The following SLFNL1 variants were observed in gnomAD, a reference collection of about 807,000 sequenced individuals.
SLFNL1 encodes the protein schlafen-like protein 1.
SLFNL1 carries 26 observed loss-of-function variants against 32.5 expected under a neutral mutation model. The ratio of observed to expected loss-of-function variants is 0.80; its 90% CI spans 0.59 to 1.11. The LOEUF (loss-of-function observed/expected upper bound fraction) is 1.11. SLFNL1 is among the 50% of genes least tolerant of loss of function. The pLI, the probability that SLFNL1 is intolerant of heterozygous loss-of-function variation, is 0.00. For missense variants in SLFNL1, 553 were observed against 546.5 expected (o/e 1.01, Z -0.12); for synonymous variants, 255 against 242.2 (o/e 1.05, Z -0.49).
At chr1:41,018,984 G>C (rs12754704) in intron 3 of SLFNL1, among the ~76,000 whole-genome samples, 53,325 of 151,276 alleles carry the variant, frequency 0.35, 10,862 homozygotes, top group Admixed American at 0.5. Flanking sequence ...GGATTACAGG[G>C]GCCCGCCACC....
Position 41,018,091 on chromosome 1 carries a change from CG to C in SLFNL1, c.500del (p.Pro167ArgfsTer96). ...GCGTGTGTGTAGGCCAGGTGGGCAGCGGGACACCAGAGCCTGGACTGGGGCC... is the reference window on the plus strand; with the variant it reads ...GCGTGTGTGTAGGCCAGGTGGGCAGCGGACACCAGAGCCTGGACTGGGGCC... Reference protein sequence around the residue: ...SPGPSPGSGVPLPTWPTHTLP... With the variant: ...SPGPSPGSGVXLPTWPTHTLP... On this transcript the variant is annotated frameshift_variant, in exon 4 of 6. Transcript: ENST00000302946. LOFTEE classifies it high-confidence loss of function. 6 of 1,553,682 alleles carry C rather than the reference CG, an allele frequency of 3.9e-6. No homozygotes were observed. The highest frequency in any genetic ancestry group is 4.4e-6 in the Non-Finnish European group (5 of 1,144,834).
rs751622686 is a variant in SLFNL1 at position 41,018,133 on chromosome 1, G to GTCCTCC, written c.453_458dup (p.Glu151_Glu152dup). 2.7e-6 allele frequency: 4 copies of GTCCTCC among 1,501,262 alleles called. No individual in the cohort carries two copies. Among genetic ancestry groups the GTCCTCC allele is most frequent in the East Asian group, 2.5e-5 (1 of 40,342 alleles). 93.0% of individuals were successfully genotyped at this position (1,501,262 alleles called of 1,614,324 possible). ...GACTGGGGCCAGGGCTCAGGCCACT[G>GTCCTCC]TCCTCCTCCTCCTCCTCCTTCTCCT... is the stretch of plus-strand genomic sequence containing the variant. On this transcript the variant is annotated inframe_insertion, in exon 4 of 6. Coordinates refer to ENST00000302946, the MANE Select transcript of SLFNL1 (RefSeq NM_144990.4).
intron 3 of SLFNL1, 113 bp from the exon 4 acceptor site, chr1:41,018,269 C>A: frequency 9.6e-6 from 11 of 1,146,324 alleles, no homozygotes; most frequent in Non-Finnish European, 1.3e-5. Context: ...CTGACTCTTA[C>A]GGACATCCTG....
Position 41,017,448 on chromosome 1 carries a change from C to T in SLFNL1, c.958-71G>A. On this transcript the variant is annotated intron_variant, in intron 4 of 5. Coordinates refer to ENST00000302946, the MANE Select transcript of SLFNL1 (RefSeq NM_144990.4). This position sits in a 1 kb window ranked among gnomAD's most constrained non-coding sequence, Gnocchi z 4.9. ...CGGCAGCCCCCATCCTGCCAGGCTG[C>T]TCAGCATTGCTCACTGATTCCTTAG... The T allele has an allele frequency of 6.4e-7, 1 of 1,554,838 alleles. No homozygotes were observed. Among genetic ancestry groups the T allele is most frequent in the Non-Finnish European group, 8.7e-7 (1 of 1,151,850 alleles).
chr1:41,018,742 G>A (rs1450791347), intron 3 of SLFNL1, among the ~76,000 whole-genome samples: 1 of 151,892 alleles, frequency 6.6e-6, no homozygotes, highest in African/African-American at 2.4e-5. Flanking sequence ...GAGCCTCCTC[G>A]GGGCCACTTC....
Position 41,017,452 on chromosome 1 carries a change from G to A in SLFNL1, c.958-75C>T. ...AGCCCCCATCCTGCCAGGCTGCTCA[G>A]CATTGCTCACTGATTCCTTAGGGCA... On this transcript the variant is annotated intron_variant, in intron 4 of 5. Transcript: ENST00000302946. This position sits in a 1 kb window ranked among gnomAD's most constrained non-coding sequence, Gnocchi z 4.9. The A allele has an allele frequency of 6.4e-7, 1 of 1,555,832 alleles. No individual in the cohort carries two copies. The highest frequency in any genetic ancestry group is 1.2e-5 in the South Asian group (1 of 83,316).
chr1:41,016,252 G>A (rs377225061), intron 5 of SLFNL1, 24 bp from the exon 6 acceptor site: 6 of 1,613,176 alleles, frequency 3.7e-6, no homozygotes, highest in Non-Finnish European at 5.1e-6. Context: ...GGAAAAGCAT[G>A]TGGCCAAGCC....
In SLFNL1 at chr1:41,020,786, GTACACAGA is replaced by G. The variant is rs1429237498; in HGVS notation, c.-118-16_-118-9del. On this transcript the variant is annotated splice_polypyrimidine_tract_variant and intron_variant, in intron 2 of 5. Transcript: ENST00000302946. ...CAGGGAGTGTCCCGGCTCCTGGGAG[GTACACAGA>G]TTGGCAGAGACTGGGCAGGGCCAGA... is the stretch of plus-strand genomic sequence containing the variant. 2.3e-6 allele frequency: 2 copies of G among 855,396 alleles called. No individual in the cohort carries two copies. Among genetic ancestry groups the G allele is most frequent in the Admixed American group, 5.4e-5 (2 of 37,142 alleles). 53.0% of individuals were successfully genotyped at this position (855,396 alleles called of 1,614,324 possible). A position where few individuals can be genotyped will look rare whatever the true frequency, so the allele number is the denominator to read the frequency against.
chr1:41,021,461 C>T (rs554387649), intron 1 of SLFNL1, 162 bp downstream of exon 1: 1 of 152,490 alleles, frequency 6.6e-6, no homozygotes, highest in Non-Finnish European at 1.5e-5. Flanking sequence ...CGCCCCAAGT[C>T]CAGGGAGCCT....
intron 5 of SLFNL1, chr1:41,016,431 A>AG: frequency 4.2e-6 from 3 of 706,016 alleles, no homozygotes; most frequent in Non-Finnish European, 6.9e-6. Context: ...CAGCCATGGA[A>AG]GGGAGCCTCC....
At chr1:41,020,198 G>C (rs759684216) in intron 3 of SLFNL1, 28 bp downstream of exon 3, 1 of 1,556,380 alleles carries the variant, frequency 6.4e-7, no homozygotes, top group African/African-American at 1.4e-5. Context: ...TGAGGCTTTG[G>C]AGCTTGCTTG....
At position 41,017,634 on chromosome 1, in the gene SLFNL1, C is replaced by T. The variant is rs370243333; in HGVS notation, c.957+1G>A. On this transcript the variant is annotated splice_donor_variant, in intron 4 of 5. Transcript: ENST00000302946. LOFTEE classifies it high-confidence loss of function. The surrounding 1 kb of genome is among the most constrained non-coding windows in gnomAD (Gnocchi z 4.9). ...GAGGCCCTCCTGTCCTGCAGGCTCA[C>T]CTTGAGGGGGACGCTGGTCTCCGAG... 2.6e-6 allele frequency: 4 copies of T among 1,525,274 alleles called. No homozygotes were observed. In the African/African-American group the frequency reaches 4.2e-5, roughly 16 times the overall value. 94.5% of individuals were successfully genotyped at this position (1,525,274 alleles called of 1,614,324 possible). A position where few individuals can be genotyped will look rare whatever the true frequency, so the allele number is the denominator to read the frequency against.
chr1:41,016,130 C>G lies in SLFNL1; in HGVS notation c.1200G>C (p.Val400=). The G allele has an allele frequency of 6.2e-7, 1 of 1,614,144 alleles. No homozygotes were observed. The stretch of plus-strand genomic sequence containing the variant: ...CTCACAGGACACAGCAGGTGCAGGA[C>G]ACAGGCCCGTGCTGCTGCAGCTGCT... The part of the protein sequence containing the change: ...LQQQLQQHGP[V]SCTCCVL Residue 400 remains valine, a synonymous_variant, in exon 6 of 6, where the codon GTG becomes GTC. Transcript: ENST00000302946.
chr1:41,016,262 C>G lies in SLFNL1; in HGVS notation c.1102-34G>C, dbSNP rs370791679. On this transcript the variant is annotated intron_variant, in intron 5 of 5. Coordinates refer to ENST00000302946, the MANE Select transcript of SLFNL1 (RefSeq NM_144990.4). Reference sequence around the variant, plus strand: ...ACATGGGAAAAGCATGTGGCCAAGCCCGCCTGGTCTCGGGCCTGTCCGTCC... The same window carrying G: ...ACATGGGAAAAGCATGTGGCCAAGCGCGCCTGGTCTCGGGCCTGTCCGTCC... 5 of 1,611,370 alleles carry G rather than the reference C, an allele frequency of 3.1e-6. No individual in the cohort carries two copies. In the Admixed American group the frequency reaches 8.4e-5, roughly 27 times the overall value.
chr1:41,017,207 C>G lies in SLFNL1; in HGVS notation c.1101+27G>C, dbSNP rs907667440. 1.3e-6 allele frequency: 2 copies of G among 1,535,408 alleles called. No homozygotes were observed. The highest frequency in any genetic ancestry group is 3.9e-5 in the Admixed American group (2 of 50,806). On this transcript the variant is annotated intron_variant, in intron 5 of 5. Transcript: ENST00000302946. The surrounding 1 kb of genome is among the most constrained non-coding windows in gnomAD (Gnocchi z 4.9). ...GGGTCTGGGGTCAGCTCCGCTCCAC[C>G]CCACCCACTGGCCTCAGCTTCCGTA...
intron 3 of SLFNL1, chr1:41,018,469 T>C: frequency 3.3e-6 from 1 of 298,512 alleles, no homozygotes; most frequent in Non-Finnish European, 6.2e-6. Flanking sequence ...CTGGGACATG[T>C]GTGGGCCCAT....
chr1:41,018,885 G>A (rs762920763), intron 3 of SLFNL1, among the ~76,000 whole-genome samples: 1 of 139,926 alleles, frequency 7.1e-6, no homozygotes, highest in Non-Finnish European at 1.5e-5. Flanking sequence ...ACCCAGGCTG[G>A]ATGGAGTGCA....
At chr1:41,019,058 G>T (rs1185753161) in intron 3 of SLFNL1, among the ~76,000 whole-genome samples, 1 of 151,762 alleles carries the variant, frequency 6.6e-6, no homozygotes. Flanking sequence ...TCGATCTCCT[G>T]ACCTCGTGAT....
At chr1:41,020,199 AGCTT>A in intron 3 of SLFNL1, 23 bp downstream of exon 3, 1 of 1,556,248 alleles carries the variant, frequency 6.4e-7, no homozygotes, top group Non-Finnish European at 8.7e-7. Flanking sequence ...GAGGCTTTGG[AGCTT>A]GCTTGGGAAA....
Sources: gnomAD v4.1 joint callset for allele counts (sites outside exome capture counted in the v4.1 genomes callset) on GRCh38, gnomAD v4.1.1 for gene constraint, Gnocchi (gnomAD v3.1) non-coding constraint, MANE v1.5 for transcripts, NCBI Gene and HGNC (gene_info 2026-07-23, HGNC 2026-07-21) for gene names.